NBPF11: variants seen among roughly 807,000 people sequenced by gnomAD.
NBPF11 encodes the protein NBPF family member NBPF11.
In NBPF11, 72 loss-of-function variants were observed where a neutral mutation model predicts 93.9. That is an observed-to-expected ratio of 0.77 (90% CI 0.63 to 0.93). The LOEUF (loss-of-function observed/expected upper bound fraction) is 0.93. NBPF11 is among the 40% of genes least tolerant of loss of function. NBPF11 has a pLI of 0.00. For synonymous variants in NBPF11, 224 were observed against 304.9 expected, an observed-to-expected ratio of 0.73 and a Z score of 2.76; for missense variants, 705 against 802.2, an observed-to-expected ratio of 0.88 and a Z score of 1.46.
intron 1 of NBPF11, among the ~76,000 whole-genome samples, chr1:148,144,678 T>A (rs1356554250): frequency 2.0e-5 from 3 of 151,966 alleles, no homozygotes; most frequent in African/African-American, 7.3e-5. Flanking sequence ...ATAAAAATTA[T>A]TAAAACTAAA....
chr1:148,122,866 A>G (rs1668198613), intron 7 of NBPF11, 65 bp from the exon 8 acceptor site: 3 of 1,606,474 alleles, frequency 1.9e-6, no homozygotes, highest in African/African-American at 2.7e-5. Context: ...AGTCAGCCCA[A>G]CGTGCACAGA....
chr1:148,149,905 T>G (rs1334203133), intron 1 of NBPF11, among the ~76,000 whole-genome samples: 5 of 151,888 alleles, frequency 3.3e-5, no homozygotes, highest in Non-Finnish European at 7.4e-5. Context: ...GATATATTAC[T>G]GCACCTCTAC....
At chr1:148,149,582 G>T in intron 1 of NBPF11, 1 of 1,593,600 alleles carries the variant, frequency 6.3e-7, no homozygotes, top group Non-Finnish European at 8.5e-7. Flanking sequence ...GCCCCAACCA[G>T]CCGGACCTCA....
chr1:148,149,229 T>C (rs1217762905), intron 1 of NBPF11: 4 of 1,554,928 alleles, frequency 2.6e-6, no homozygotes, highest in Non-Finnish European at 3.5e-6. Flanking sequence ...ACCATGGACC[T>C]GGCCTCGCGC....
chr1:148,105,618 G>C (rs1472667167), intron 21 of NBPF11, 90 bp from the exon 22 acceptor site: 5 of 700,542 alleles, frequency 7.1e-6, no homozygotes, highest in Non-Finnish European at 1.3e-5. Flanking sequence ...ATAAGGAAGT[G>C]GTTAAAAAAG....
At chr1:148,147,488 C>T (rs1382586883) in intron 1 of NBPF11, among the ~76,000 whole-genome samples, 2 of 152,056 alleles carry the variant, frequency 1.3e-5, no homozygotes, top group East Asian at 1.9e-4. Flanking sequence ...CAGCCCTGTG[C>T]TTGCCTGGGC....
intron 15 of NBPF11, among the ~76,000 whole-genome samples, chr1:148,111,085 G>A (rs1374462402): frequency 5.3e-5 from 8 of 150,654 alleles, no homozygotes; most frequent in Non-Finnish European, 1.0e-4. Flanking sequence ...GAGAGAATAG[G>A]CGACACCAAG....
chr1:148,122,260 C>T lies in NBPF11; in HGVS notation c.573G>A (p.Val191=). ...GGACTTTGCTCTCTTCAGCCTTCTG[C>T]ACCTCCCTGATGAGCCAGGTGGGAC... ...KVLESSAPRE[V]QKAEESKVPE... Residue 191 remains valine (V), a synonymous_variant, in exon 9 of 24, where the codon GTG becomes GTA. Transcript: ENST00000682118. 6.2e-7 allele frequency: 1 copy of T among 1,610,550 alleles called. No homozygotes were observed. Among genetic ancestry groups the T allele is most frequent in the Non-Finnish European group, 8.5e-7 (1 of 1,178,622 alleles).
At chr1:148,135,620 G>GA (rs1348722944) in intron 4 of NBPF11, 52 bp downstream of exon 4, 1 of 569,818 alleles carries the variant, frequency 1.8e-6, no homozygotes, top group East Asian at 3.0e-5. Flanking sequence ...CTCTGCCCTG[G>GA]AAAAACTACT....
intron 23 of NBPF11, 143 bp downstream of exon 23, chr1:148,104,394 C>A (rs1663026388): frequency 3.2e-6 from 2 of 634,260 alleles, no homozygotes; most frequent in South Asian, 1.9e-5. Flanking sequence ...TAAACATCTA[C>A]TGCAATGAAA....
At chr1:148,121,099 C>T (rs1213771005) in intron 9 of NBPF11, among the ~76,000 whole-genome samples, 3 of 151,708 alleles carry the variant, frequency 2.0e-5, no homozygotes, top group Non-Finnish European at 2.9e-5. Flanking sequence ...GGCTGCAGTG[C>T]AGAGGCACAA....
At chr1:148,141,952 TGAGA>T (rs369144362) in intron 2 of NBPF11, among the ~76,000 whole-genome samples, 17 of 135,662 alleles carry the variant, frequency 1.3e-4, no homozygotes, top group South Asian at 2.3e-4. Flanking sequence ...AGAGAGAGCA[TGAGA>T]GAGAGAGAAA....
At chr1:148,120,073 A>T (rs1667476433) in intron 10 of NBPF11, among the ~76,000 whole-genome samples, 1 of 151,340 alleles carries the variant, frequency 6.6e-6, no homozygotes. Context: ...CCTCAGAGTC[A>T]CTAGAACAGA....
intron 4 of NBPF11, chr1:148,129,435 G>A (rs1252848577): frequency 4.0e-5 from 6 of 151,798 alleles, no homozygotes; most frequent in East Asian, 1.9e-4. Flanking sequence ...CAGCCCAGGC[G>A]GCCCCAGCAG....
At chr1:148,133,373 G>A (rs75159000) in intron 4 of NBPF11, among the ~76,000 whole-genome samples, 5 of 151,734 alleles carry the variant, frequency 3.3e-5, no homozygotes, top group African/African-American at 1.2e-4. Flanking sequence ...AAGAGTAACA[G>A]CAGGTATTCT....
chr1:148,103,593 A>G lies in NBPF11; in HGVS notation c.*303T>C, dbSNP rs1571400443. The stretch of plus-strand genomic sequence containing the variant: ...TATGTCTGGGCTTCCAAATGGAACT[A>G]TAGTTTCATTCAAATCTTCAGGTGC... On this transcript the variant is annotated 3_prime_UTR_variant, in exon 24 of 24. Coordinates refer to ENST00000682118, the MANE Select transcript of NBPF11 (RefSeq NM_001385469.3). 1.9e-5 allele frequency: 31 copies of G among 1,608,624 alleles called. No homozygotes were observed. The East Asian group carries it at 2.2e-4, about 12-fold the overall frequency.
intron 9 of NBPF11, among the ~76,000 whole-genome samples, chr1:148,121,430 A>C (rs1235149599): frequency 2.0e-5 from 3 of 147,678 alleles, no homozygotes; most frequent in East Asian, 2.0e-4. Context: ...TCACTGCAAG[A>C]TCCGGTTCCT....
chr1:148,122,859 C>T (rs1668196658), intron 7 of NBPF11, 58 bp from the exon 8 acceptor site: 3 of 1,607,614 alleles, frequency 1.9e-6, no homozygotes, highest in Non-Finnish European at 2.6e-6. Context: ...CAAGCACAGT[C>T]AGCCCAACGT....
chr1:148,121,814 T>C (rs1475384831), intron 9 of NBPF11, among the ~76,000 whole-genome samples: 2 of 152,016 alleles, frequency 1.3e-5, no homozygotes, highest in African/African-American at 4.8e-5. Context: ...CCTAATTTTT[T>C]GTATTCTTCG....
Sources: gnomAD v4.1 joint callset for allele counts (sites outside exome capture counted in the v4.1 genomes callset) on GRCh38, gnomAD v4.1.1 for gene constraint, MANE v1.5 for transcripts, NCBI Gene and HGNC (gene_info 2026-07-23, HGNC 2026-07-21) for gene names.